Variants in MKI67 observed in about 807,000 individuals in gnomAD.
MKI67 encodes the protein proliferation marker protein Ki-67.
A neutral mutation model predicts 233.5 loss-of-function variants in MKI67; 152 were observed. The ratio of observed to expected loss-of-function variants is 0.65; its 90% confidence interval spans 0.57 to 0.74. The LOEUF is 0.74. Ranked by LOEUF, MKI67 falls within the 30% of genes least tolerant of loss-of-function variation. The pLI, the probability that MKI67 is intolerant of heterozygous loss-of-function variation, is 0.00. For missense variants in MKI67, 3,940 were observed against 3,885.2 expected (o/e 1.01, Z -0.37); for synonymous variants, 1,465 against 1,418.5 (o/e 1.03, Z -0.74).
rs368483125 is a variant in MKI67, at chr10:128,104,313, C to G, written c.7527G>C (p.Thr2509=). Residue 2509 remains threonine, a synonymous_variant, in exon 13 of 15, where the codon ACG becomes ACC. Coordinates refer to ENST00000368654, the MANE Select transcript of MKI67 (RefSeq NM_002417.5). ...CTCCTGTTGGCTCTGTGTGTGTTTG[C>G]GTAGTCTCCCCTGATGTCCGTGTGA... is the stretch of plus-strand genomic sequence containing the variant. ...SKLTRTSGET[T]QTHTEPTGDS... is the part of the protein sequence containing the mutation. The G allele has an allele frequency of 6.2e-7, 1 of 1,614,128 alleles. No homozygotes were observed. The highest frequency in any genetic ancestry group is 8.5e-7 in the Non-Finnish European group (1 of 1,180,040).
chr10:128,119,406 A>G (rs41282878), intron 4 of MKI67, 87 bp from the exon 5 acceptor site: 71,226 of 865,192 alleles, frequency 0.082, 3,505 homozygotes, highest in Non-Finnish European at 0.1. Context: ...TCCAAGGATC[A>G]ACGAACAAAC....
rs1475116852 is a variant in MKI67 at position 128,118,953 on chromosome 10, G to A, written c.354+300C>T. 3.3e-5 allele frequency among the ~76,000 whole-genome samples: 5 copies of A among 152,198 alleles called. No individual in the cohort carries two copies. The East Asian group carries it at 9.6e-4, about 29-fold the overall frequency. ...TGCAATTCCCAAATGTTAGCTCTAC[G>A]TGTTGGGGTTATCCTAATCATGGGT... is the stretch of plus-strand genomic sequence containing the variant. On this transcript the variant is annotated intron_variant, in intron 5 of 14. Transcript: ENST00000368654.
Position 128,104,557 on chromosome 10 carries a change from T to A in MKI67, c.7283A>T (p.Lys2428Met). The change falls in exon 13 of 15, where the codon AAG becomes ATG. Residue 2428 changes from lysine to methionine, a missense_variant. By Grantham distance (95) the Lys-to-Met change is moderately conservative (BLOSUM62 -1). Coordinates refer to ENST00000368654, the MANE Select transcript of MKI67 (RefSeq NM_002417.5). Reference sequence around the variant, plus strand: ...GTCCTCTAGAGCCTCAGCCTTTTCCTTAGGAGTCTGTGGCTGTCTCTTGCT... The same window carrying A: ...GTCCTCTAGAGCCTCAGCCTTTTCCATAGGAGTCTGTGGCTGTCTCTTGCT... ...PGSKRQPQTP[K>M]EKAEALEDLV... is the part of the protein sequence containing the mutation. The A allele has an allele frequency of 1.9e-6, 3 of 1,614,158 alleles. No individual in the cohort carries two copies. The highest frequency in any genetic ancestry group is 2.5e-6 in the Non-Finnish European group (3 of 1,180,024).
At position 128,126,388 on chromosome 10, in the gene MKI67, C is replaced by T. The variant is rs1196657308; in HGVS notation, c.-379G>A. ...CACCGAGTCGAGTCCTCCCGCCCGCCCGCCCGCCCGCAGCGTCAGCCCTCC... is the reference window on the plus strand; with the variant it reads ...CACCGAGTCGAGTCCTCCCGCCCGCTCGCCCGCCCGCAGCGTCAGCCCTCC... On this transcript the variant is annotated 5_prime_UTR_variant, in exon 1 of 15. Transcript: ENST00000368654. 1.3e-5 allele frequency: 2 copies of T among 151,994 alleles called. No individual in the cohort carries two copies. Among genetic ancestry groups the T allele is most frequent in the Non-Finnish European group, 2.9e-5 (2 of 67,938 alleles). 9.4% of individuals were successfully genotyped at this position (151,994 alleles called of 1,614,324 possible).
In MKI67 at chr10:128,105,604, A is replaced by G; in HGVS notation, c.6236T>C (p.Phe2079Ser). The change falls in exon 13 of 15, where the codon TTC becomes TCC. Residue 2079 changes from phenylalanine (F) to serine (S), a missense_variant. Physicochemically the swap from Phe to Ser is radical, Grantham distance 155. Transcript: ENST00000368654. ...GTCTGGTGTCTGGAAGAGCTCTTTGAAGCCGGCCAGGTCTTCTAGTGATTG... is the reference window on the plus strand; with the variant it reads ...GTCTGGTGTCTGGAAGAGCTCTTTGGAGCCGGCCAGGTCTTCTAGTGATTG... ...EAQSLEDLAGFKELFQTPDHT... is the reference protein window; with the variant it reads ...EAQSLEDLAGSKELFQTPDHT... The G allele has an allele frequency of 6.2e-7, 1 of 1,613,800 alleles. No individual in the cohort carries two copies. Among genetic ancestry groups the G allele is most frequent in the Non-Finnish European group, 8.5e-7 (1 of 1,179,964 alleles).
At position 128,115,298 on chromosome 10, in the gene MKI67, A is replaced by G. The variant is rs1365340089; in HGVS notation, c.1110T>C (p.Gly370=). The change falls in exon 7 of 15, where the codon GGT becomes GGC. Residue 370 remains glycine, a synonymous_variant. Transcript: ENST00000368654. ...KHKNKDLYTT[G]RRESVNLGKS... is the part of the protein sequence containing the mutation. ...TACCCAGATTCACAGATTCTCTTCT[A>G]CCAGTAGTATACAGGTCTTTGTTCT... 6.2e-7 allele frequency: 1 copy of G among 1,614,056 alleles called. No homozygotes were observed.
chr10:128,124,960 G>A (rs553046504), intron 2 of MKI67, among the ~76,000 whole-genome samples: 1 of 151,934 alleles, frequency 6.6e-6, no homozygotes, highest in Admixed American at 6.6e-5. Context: ...CCTGAATCCC[G>A]TGTGGTCTGG....
rs778122375 is a variant in MKI67, at chr10:128,103,814, G to C, written c.8026C>G (p.Leu2676Val). The C allele has an allele frequency of 1.9e-6, 3 of 1,612,414 alleles. No individual in the cohort carries two copies. Among genetic ancestry groups the C allele is most frequent in the East Asian group, 4.5e-5 (2 of 44,654 alleles). The change falls in exon 13 of 15, where the codon CTG becomes GTG. Residue 2676 changes from leucine (L) to valine (V), a missense_variant. By Grantham distance (32) the Leu-to-Val change is conservative. Coordinates refer to ENST00000368654, the MANE Select transcript of MKI67 (RefSeq NM_002417.5). ...PRAPKEKAQP[L>V]EDLAGFTELS... Reference sequence around the variant, plus strand: ...TCTGTGAAGCCGGCCAGGTCTTCCAGGGGTTGGGCCTTTTCCTTAGGTGCT... The same window carrying C: ...TCTGTGAAGCCGGCCAGGTCTTCCACGGGTTGGGCCTTTTCCTTAGGTGCT...
intron 4 of MKI67, among the ~76,000 whole-genome samples, chr10:128,121,501 T>C (rs913605839): frequency 8.4e-5 from 9 of 107,658 alleles, no homozygotes; most frequent in African/African-American, 3.4e-4. Flanking sequence ...TATTACTATA[T>C]AACATATAGT....
intron 4 of MKI67, among the ~76,000 whole-genome samples, chr10:128,119,657 T>C (rs976935350): frequency 2.6e-5 from 4 of 152,226 alleles, no homozygotes; most frequent in African/African-American, 9.6e-5. Flanking sequence ...AAGTTTCTTC[T>C]AGTTTAAGTC....
chr10:128,122,847 A>G (rs780504099), intron 4 of MKI67, 34 bp downstream of exon 4: 2 of 1,042,414 alleles, frequency 1.9e-6, no homozygotes, highest in East Asian at 2.4e-5. Context: ...TCAGAAGATG[A>G]CATTTACTGT....
Position 128,103,021 on chromosome 10 carries a change from T to A in MKI67, c.8819A>T (p.Asp2940Val), listed in dbSNP as rs569227366. ...TTGCTTTGGAGCGCTTGTAAAGCTA[T>A]CAGCAGCACCATTTGCCAGTTCCTC... Reference protein sequence around the residue: ...HTEELANGAADSFTSAPKQTP... With the variant: ...HTEELANGAAVSFTSAPKQTP... Residue 2940 changes from aspartate to valine, a missense_variant, in exon 13 of 15, where the codon GAT (aspartate) becomes GTT (valine). Asp to Val is a radical substitution (Grantham distance 152). Transcript: ENST00000368654. The A allele has an allele frequency of 6.2e-7, 1 of 1,614,244 alleles. No homozygotes were observed. The highest frequency in any genetic ancestry group is 2.2e-5 in the East Asian group (1 of 44,892).
Position 128,101,534 on chromosome 10 carries a change from G to A in MKI67, c.9429C>T (p.Pro3143=). ...IQNPDDGARK[P]IPRDKVTENK... is the part of the protein sequence containing the mutation. Reference sequence around the variant, plus strand: ...TCTCAGTGACTTTGTCTCTAGGTATGGGTTTCCGGGCTCCATCATCTGGAT... The same window carrying A: ...TCTCAGTGACTTTGTCTCTAGGTATAGGTTTCCGGGCTCCATCATCTGGAT... Residue 3143 remains proline, a synonymous_variant, in exon 14 of 15, where the codon CCC becomes CCT. Transcript: ENST00000368654. 6.2e-7 allele frequency: 1 copy of A among 1,614,220 alleles called. No individual in the cohort carries two copies.
At chr10:128,116,402 C>T (rs1852809034) in intron 6 of MKI67, 89 bp downstream of exon 6, 5 of 1,167,270 alleles carry the variant, frequency 4.3e-6, no homozygotes, top group Non-Finnish European at 6.4e-6. Flanking sequence ...ACATTTAGCA[C>T]TTGCATTCTT....
chr10:128,121,249 T>C (rs1381996302), intron 4 of MKI67, among the ~76,000 whole-genome samples: 3 of 150,948 alleles, frequency 2.0e-5, no homozygotes, highest in Non-Finnish European at 2.9e-5. Flanking sequence ...CAGTAGGTGA[T>C]TTGAACATAT....
At chr10:128,101,782 A>G (rs1442568634) in intron 13 of MKI67, 81 bp from the exon 14 acceptor site, 47 of 1,065,956 alleles carry the variant, frequency 4.4e-5, no homozygotes, top group Middle Eastern at 2.5e-4. Context: ...CACAATCAAC[A>G]GTAACCTAAA....
At chr10:128,109,464 T>C in intron 12 of MKI67, 41 bp from the exon 13 acceptor site, 3 of 1,569,004 alleles carry the variant, frequency 1.9e-6, no homozygotes, top group Admixed American at 3.8e-5. Flanking sequence ...TCTATTAGTG[T>C]CTCATGTCAA....
In MKI67 at chr10:128,106,043, T is replaced by G. The variant is rs1852482604; in HGVS notation, c.5797A>C (p.Asn1933His). The change falls in exon 13 of 15, where the codon AAT becomes CAT. Residue 1933 changes from asparagine (N) to histidine (H), a missense_variant. Coordinates refer to ENST00000368654, the MANE Select transcript of MKI67 (RefSeq NM_002417.5). Reference protein sequence around the residue: ...TPVEKLDLLGNLPGSKRRPQT... With the variant: ...TPVEKLDLLGHLPGSKRRPQT... ...GGCCGTCTCTTGCTGCCAGGTAAAT[T>G]TCCTAGCAGGTCCAGTTTCTCCACT... 1 of 1,613,960 alleles carries G rather than the reference T, an allele frequency of 6.2e-7. No homozygotes were observed. Among genetic ancestry groups the G allele is most frequent in the African/African-American group, 1.3e-5 (1 of 74,874 alleles).
chr10:128,106,054 T>C lies in MKI67; in HGVS notation c.5786A>G (p.Asp1929Gly), dbSNP rs2136132320. The C allele has an allele frequency of 6.2e-7, 1 of 1,614,016 alleles. No individual in the cohort carries two copies. The highest frequency in any genetic ancestry group is 8.5e-7 in the Non-Finnish European group (1 of 1,179,998). ...TFVGTPVEKL[D>G]LLGNLPGSKR... ...GCTGCCAGGTAAATTTCCTAGCAGG[T>C]CCAGTTTCTCCACTGGAGTCCCCAC... Residue 1929 changes from aspartate to glycine, a missense_variant, in exon 13 of 15, where the codon GAC becomes GGC. By Grantham distance (94) the Asp-to-Gly change is moderately conservative. Transcript: ENST00000368654.
Sources: allele counts gnomAD v4.1 joint callset (sites outside exome capture counted in the v4.1 genomes callset), GRCh38; gene constraint gnomAD v4.1.1; transcripts MANE v1.5; gene names NCBI Gene and HGNC (gene_info 2026-07-23, HGNC 2026-07-21).